LRRC52: variants seen among roughly 807,000 people sequenced by gnomAD.
LRRC52 encodes the protein leucine-rich repeat-containing protein 52.
A neutral mutation model predicts 14.7 loss-of-function variants in LRRC52; 15 were observed. The ratio of observed to expected loss-of-function variants is 1.02; its 90% CI spans 0.68 to 1.58. The LOEUF (loss-of-function observed/expected upper bound fraction) is 1.58, where lower values mean the gene tolerates loss of function less well. Ranked by LOEUF, LRRC52 falls within the 40% of genes most tolerant of loss-of-function variation. The pLI is 0.00. For missense variants in LRRC52, 400 were observed against 387.7 expected, an observed-to-expected ratio of 1.03 and a Z score of -0.27; for synonymous variants, 180 against 163.9, an observed-to-expected ratio of 1.10 and a Z score of -0.75.
intron 1 of LRRC52, among the ~76,000 whole-genome samples, chr1:165,557,931 C>A (rs1244492166): frequency 2.0e-5 from 3 of 152,218 alleles, no homozygotes; most frequent in African/African-American, 7.2e-5. Context: ...GAGCAACCTG[C>A]CCATGGCCTG....
intron 1 of LRRC52, among the ~76,000 whole-genome samples, chr1:165,548,953 C>T (rs1661078418): frequency 6.6e-6 from 1 of 152,222 alleles, no homozygotes; most frequent in South Asian, 2.1e-4. Flanking sequence ...GGACAACGCA[C>T]CCTGTCTAGA....
chr1:165,558,383 G>A (rs534206816), intron 1 of LRRC52, among the ~76,000 whole-genome samples: 1 of 152,344 alleles, frequency 6.6e-6, no homozygotes, highest in South Asian at 2.1e-4. Context: ...ATGTAAAACA[G>A]TACTTGCCGA....
Position 165,563,768 on chromosome 1 carries a change from C to T in LRRC52, c.886C>T (p.Arg296Trp), listed in dbSNP as rs453717. The change falls in exon 2 of 2, where the codon CGG becomes TGG. Residue 296 changes from arginine (R) to tryptophan (W), a missense_variant. Physicochemically the swap from Arg to Trp is moderately radical, Grantham distance 101 (BLOSUM62 -3). Transcript: ENST00000294818. ...DEAGTRVEVS[R>W]RIFQTQTSSV... ...GGCCGGGACTAGGGTGGAAGTCAGC[C>T]GGCGGATTTTTCAAACCCAGACGAG... 5.6e-6 allele frequency: 9 copies of T among 1,613,886 alleles called. No individual in the cohort carries two copies. Among genetic ancestry groups the T allele is most frequent in the South Asian group, 2.2e-5 (2 of 91,066 alleles).
chr1:165,553,156 G>A (rs1661168444), intron 1 of LRRC52, among the ~76,000 whole-genome samples: 1 of 152,190 alleles, frequency 6.6e-6, no homozygotes. Flanking sequence ...TTCAAGTGAG[G>A]ATAATAAGGG....
Position 165,563,885 on chromosome 1 carries a change from C to A in LRRC52, c.*61C>A. On this transcript the variant is annotated 3_prime_UTR_variant, in exon 2 of 2. Coordinates refer to ENST00000294818, the MANE Select transcript of LRRC52 (RefSeq NM_001005214.4). ...GCTCCCTGCTTTCTCTCTTGCCCTC[C>A]CCATCCCACCACCTTGGAGCTGTCA... is the stretch of plus-strand genomic sequence containing the variant. 6.7e-7 allele frequency: 1 copy of A among 1,500,826 alleles called. No homozygotes were observed. Among genetic ancestry groups the A allele is most frequent in the Non-Finnish European group, 9.1e-7 (1 of 1,094,086 alleles). The allele number at this position is 1,500,826 out of a possible 1,614,324, so 93.0% of individuals were successfully genotyped here.
intron 1 of LRRC52, among the ~76,000 whole-genome samples, chr1:165,550,872 G>A (rs902113523): frequency 6.6e-6 from 1 of 152,208 alleles, no homozygotes; most frequent in Non-Finnish European, 1.5e-5. Context: ...GTGATATGGG[G>A]AAACTCACTT....
chr1:165,562,521 T>C (rs1286691768), intron 1 of LRRC52, among the ~76,000 whole-genome samples: 1 of 152,174 alleles, frequency 6.6e-6, no homozygotes, highest in African/African-American at 2.4e-5. Flanking sequence ...TTCTTACCTA[T>C]GTCAGTCAGT....
At chr1:165,560,207 CT>C (rs1359052719) in intron 1 of LRRC52, among the ~76,000 whole-genome samples, 1 of 152,188 alleles carries the variant, frequency 6.6e-6, no homozygotes, top group African/African-American at 2.4e-5. Context: ...AGAGGATCTA[CT>C]GTATAATATA....
At chr1:165,545,259 A>T (rs768868152) in intron 1 of LRRC52, among the ~76,000 whole-genome samples, 9 of 152,186 alleles carry the variant, frequency 5.9e-5, no homozygotes, top group Non-Finnish European at 1.2e-4. Flanking sequence ...TGATGTGTGT[A>T]GAAATGATGA....
chr1:165,557,524 G>A (rs758629551), intron 1 of LRRC52, among the ~76,000 whole-genome samples: 8 of 152,134 alleles, frequency 5.3e-5, no homozygotes, highest in Non-Finnish European at 1.0e-4. Context: ...CCTGATAGAC[G>A]TCAGTGAACA....
intron 1 of LRRC52, among the ~76,000 whole-genome samples, chr1:165,552,834 A>G (rs1234585034): frequency 6.6e-6 from 1 of 152,214 alleles, no homozygotes; most frequent in African/African-American, 2.4e-5. Context: ...TCCTGAGTGA[A>G]TGAATGAGAT....
intron 1 of LRRC52, among the ~76,000 whole-genome samples, chr1:165,554,437 T>TTGTTGC: frequency 6.6e-6 from 1 of 151,764 alleles, no homozygotes; most frequent in Non-Finnish European, 1.5e-5. Context: ...GTTGTTGTTG[T>TTGTTGC]TGTTGTTGTT....
intron 1 of LRRC52, among the ~76,000 whole-genome samples, chr1:165,552,402 G>A (rs760452572): frequency 6.6e-6 from 1 of 152,160 alleles, no homozygotes; most frequent in Non-Finnish European, 1.5e-5. Context: ...TACAAAGGAT[G>A]GATGTGGCTA....
At position 165,544,421 on chromosome 1, in the gene LRRC52, A is replaced by G; in HGVS notation, c.125A>G (p.Lys42Arg). ...CQAQEVICTG[K>R]QLTEYPLDIP... ...GCCCAAGAAGTAATCTGCACAGGGA[A>G]GCAGTTAACCGAATACCCCCTTGAC... Residue 42 changes from lysine (K) to arginine (R), a missense_variant, in exon 1 of 2, where the codon AAG becomes AGG. Lys to Arg is a conservative substitution (Grantham distance 26). Coordinates refer to ENST00000294818, the MANE Select transcript of LRRC52 (RefSeq NM_001005214.4). The G allele has an allele frequency of 1.2e-6, 2 of 1,614,164 alleles. No homozygotes were observed. Among genetic ancestry groups the G allele is most frequent in the South Asian group, 1.1e-5 (1 of 91,082 alleles).
At chr1:165,548,497 C>G (rs1661068279) in intron 1 of LRRC52, among the ~76,000 whole-genome samples, 1 of 152,142 alleles carries the variant, frequency 6.6e-6, no homozygotes, top group African/African-American at 2.4e-5. Flanking sequence ...ACAAACGAGG[C>G]CAGCATGTGC....
intron 1 of LRRC52, among the ~76,000 whole-genome samples, chr1:165,553,750 G>A (rs899933448): frequency 1.2e-4 from 18 of 152,148 alleles, no homozygotes; most frequent in African/African-American, 3.4e-4. Context: ...AGAAGGAGGC[G>A]AGGGTAAACA....
chr1:165,547,206 C>G (rs1355139490), intron 1 of LRRC52, among the ~76,000 whole-genome samples: 1 of 152,040 alleles, frequency 6.6e-6, no homozygotes, highest in South Asian at 2.1e-4. Flanking sequence ...GACTTGAACC[C>G]CTTGATTTCA....
At chr1:165,550,876 CTCACTTTCCTTCTTCAAGAG>C (rs1361748926) in intron 1 of LRRC52, among the ~76,000 whole-genome samples, 1 of 152,182 alleles carries the variant, frequency 6.6e-6, no homozygotes, top group African/African-American at 2.4e-5. Context: ...TATGGGGAAA[CTCACTTTCCTTCTTCAAGAG>C]TCACTTTTCT....
chr1:165,561,077 G>A (rs375578979), intron 1 of LRRC52, among the ~76,000 whole-genome samples: 2 of 152,154 alleles, frequency 1.3e-5, no homozygotes, highest in Non-Finnish European at 2.9e-5. Flanking sequence ...CAGTGACTGC[G>A]ACTGGGAAGA....
Sources: allele counts gnomAD v4.1 joint callset (sites outside exome capture counted in the v4.1 genomes callset), GRCh38; gene constraint gnomAD v4.1.1; transcripts MANE v1.5; gene names NCBI Gene and HGNC (gene_info 2026-07-23, HGNC 2026-07-21).